The following FABP6 variants were observed in gnomAD, a reference collection of about 807,000 sequenced individuals.
The protein encoded by FABP6 is fatty acid binding protein 6.
Under a neutral mutation model 14.9 loss-of-function variants are expected in FABP6, and 13 were observed. That is an observed-to-expected ratio of 0.87 (90% confidence interval 0.57 to 1.39). FABP6 has a LOEUF of 1.39. Among genes scored for constraint, FABP6 ranks in the 40% most tolerant of loss-of-function variants. The probability of loss-of-function intolerance (pLI) is 0.00; values close to 1 mark genes in which losing one functional copy is unlikely to be tolerated. For missense variants in FABP6, 161 were observed against 167.2 expected (o/e 0.96, Z 0.20); for synonymous variants, 75 against 63.6 (o/e 1.18, Z -0.85).
At chr5:160,225,326 G>T (rs545830276), upstream of FABP6, among the ~76,000 whole-genome samples, 1 of 151,398 alleles carries the variant, frequency 6.6e-6, no homozygotes, top group East Asian at 2.0e-4. Flanking sequence ...CGAACTCCTA[G>T]CCTTGTGATC....
At chr5:160,228,583 C>A (rs954360004), upstream of FABP6, 2 of 455,340 alleles carry the variant, frequency 4.4e-6, no homozygotes, top group Non-Finnish European at 8.8e-6. Flanking sequence ...AGATTCTGAA[C>A]CCCTAACCCC....
chr5:160,236,445 G>A (rs1760517080), intron 3 of FABP6, among the ~76,000 whole-genome samples: 1 of 152,178 alleles, frequency 6.6e-6, no homozygotes, highest in African/African-American at 2.4e-5. Flanking sequence ...TGGGTTTGGT[G>A]GGGGGACACA....
At chr5:160,232,388 C>T (rs1760410109) in intron 2 of FABP6, 115 bp downstream of exon 2, 2 of 1,094,348 alleles carry the variant, frequency 1.8e-6, no homozygotes. Flanking sequence ...TGGCCTCCAG[C>T]ATTAGGAGCT....
Position 160,238,600 on chromosome 5 carries a change from T to G in FABP6, c.334-6T>G. 1.2e-6 allele frequency: 2 copies of G among 1,613,848 alleles called. No individual in the cohort carries two copies. The highest frequency in any genetic ancestry group is 1.7e-6 in the Non-Finnish European group (2 of 1,179,788). ...TGACTCCCTCTGTCCCGGCTGCTTC[T>G]TTCAGGTCTCCACCATCGGAGGCGT... On this transcript the variant is annotated splice_polypyrimidine_tract_variant and splice_region_variant and intron_variant, in intron 3 of 3. Transcript: ENST00000402432.
chr5:160,237,258 C>T (rs1032772237), intron 3 of FABP6, among the ~76,000 whole-genome samples: 3 of 152,062 alleles, frequency 2.0e-5, no homozygotes, highest in Non-Finnish European at 4.4e-5. Flanking sequence ...CCAAGCTGAG[C>T]GAACCTGCTT....
At chr5:160,234,616 G>A (rs1223868949) in intron 2 of FABP6, among the ~76,000 whole-genome samples, 1 of 151,836 alleles carries the variant, frequency 6.6e-6, no homozygotes, top group South Asian at 2.1e-4. Flanking sequence ...TAGTAGAGAC[G>A]GGGTTTCACC....
At position 160,193,566 on chromosome 5, in the gene FABP6, T is replaced by G. The variant is rs1204748796; in HGVS notation, c.-58-5483T>G. Among the ~76,000 whole-genome samples, 7 of 152,252 alleles carry G rather than the reference T, an allele frequency of 4.6e-5. No homozygotes were observed. The East Asian group carries it at 1.2e-3, about 25-fold the overall frequency. On this transcript the variant is annotated intron_variant, in intron 1 of 6. Coordinates refer to the FABP6 transcript ENST00000393980. ...TGCTGATTGGTGCGTTTACAATCCC[T>G]GAGCTAGATACAAAGGTTCTCCTCA...
chr5:160,222,095 C>CTTTTTTTTT (rs202190021), intron 3 of FABP6, among the ~76,000 whole-genome samples: 4 of 130,338 alleles, frequency 3.1e-5, no homozygotes, highest in African/African-American at 8.5e-5. Context: ...TTTTTCTTTT[C>CTTTTTTTTT]TTTTTTTTTT....
At chr5:160,193,621 T>A (rs969825547) in intron 1 of FABP6, among the ~76,000 whole-genome samples, 1 of 152,076 alleles carries the variant, frequency 6.6e-6, no homozygotes, top group Non-Finnish European at 1.5e-5. Context: ...ATACAGAGTA[T>A]CCACACAAAG....
chr5:160,201,532 G>GT (rs1759640398), intron 2 of FABP6, among the ~76,000 whole-genome samples: 1 of 151,992 alleles, frequency 6.6e-6, no homozygotes, highest in Non-Finnish European at 1.5e-5. Context: ...TAATTTAAAC[G>GT]TTTTTTAAAT....
chr5:160,199,508 C>A (rs1019075099), intron 2 of FABP6, among the ~76,000 whole-genome samples: 9 of 152,112 alleles, frequency 5.9e-5, no homozygotes, highest in African/African-American at 2.2e-4. Flanking sequence ...CGTGCCAAGC[C>A]GGCCACCAGA....
chr5:160,191,020 C>G (rs569557972), intron 1 of FABP6, among the ~76,000 whole-genome samples: 69 of 147,284 alleles, frequency 4.7e-4, no homozygotes, highest in African/African-American at 1.7e-3. Context: ...ACCCAGGAGG[C>G]AGAGGTTGCA....
At chr5:160,231,997 C>A in intron 1 of FABP6, 101 bp from the exon 2 acceptor site, 1 of 1,371,922 alleles carries the variant, frequency 7.3e-7, no homozygotes, top group Non-Finnish European at 1.0e-6. Context: ...CTATCATGCA[C>A]AAGGGGGTAG....
rs750540506 is a variant in FABP6 at position 160,199,085 on chromosome 5, G to C, written c.-22G>C. 3.7e-6 allele frequency: 6 copies of C among 1,614,028 alleles called. No homozygotes were observed. In the East Asian group the frequency reaches 1.3e-4, roughly 36 times the overall value. ...CTGGCTCCAGGGAGCTCACAGGCAG[G>C]GGCTGGTCCAGCCCAGAGGCGATGA... On this transcript the variant is annotated 5_prime_UTR_variant, in exon 2 of 7. Transcript: ENST00000393980.
intron 1 of FABP6, among the ~76,000 whole-genome samples, chr5:160,230,287 C>A (rs1760349005): frequency 6.6e-6 from 1 of 152,124 alleles, no homozygotes; most frequent in South Asian, 2.1e-4. Context: ...AGTCACACAG[C>A]TAGTAATTGG....
In FABP6 at chr5:160,193,386, T is replaced by C. The variant is rs566593147; in HGVS notation, c.-58-5663T>C. ...ACCCAAAGAGTGAGCAGTAGCAAGA[T>C]TTATTGCAAAGAGCAAAAGAACAAG... On this transcript the variant is annotated intron_variant, in intron 1 of 6. Coordinates refer to the FABP6 transcript ENST00000393980. Among the ~76,000 whole-genome samples the C allele has an allele frequency of 5.9e-5, 9 of 152,220 alleles. No individual in the cohort carries two copies. In the East Asian group the frequency reaches 1.5e-3, roughly 26 times the overall value.
chr5:160,211,189 T>TC (rs1759883142), intron 2 of FABP6, among the ~76,000 whole-genome samples: 1 of 152,062 alleles, frequency 6.6e-6, no homozygotes, highest in African/African-American at 2.4e-5. Flanking sequence ...CAGTATCCTT[T>TC]CCCCCTTCTT....
chr5:160,192,893 C>T (rs923153957), intron 1 of FABP6, among the ~76,000 whole-genome samples: 3 of 152,242 alleles, frequency 2.0e-5, no homozygotes, highest in Admixed American at 6.5e-5. Flanking sequence ...GGGAGGATTG[C>T]TTGAAGTCAG....
intron 2 of FABP6, among the ~76,000 whole-genome samples, chr5:160,212,909 G>A (rs1056179580): frequency 7.2e-5 from 11 of 152,184 alleles, no homozygotes; most frequent in Admixed American, 3.9e-4. Flanking sequence ...GAGCCACTAC[G>A]TCCAGCCCTC....
Sources: gnomAD v4.1 joint callset for allele counts (sites outside exome capture counted in the v4.1 genomes callset) on GRCh38, gnomAD v4.1.1 for gene constraint, MANE v1.5 for transcripts, NCBI Gene and HGNC (gene_info 2026-07-23, HGNC 2026-07-21) for gene names.